Variants in SLC25A31 observed in about 807,000 individuals in gnomAD.
SLC25A31 encodes the protein solute carrier family 25 member 31.
Under a neutral mutation model 36.2 loss-of-function variants are expected in SLC25A31, and 40 were observed. The observed-to-expected ratio is 1.10, with a 90% CI of 0.86 to 1.44. The LOEUF is 1.44. Ranked by LOEUF, SLC25A31 falls within the 40% of genes most tolerant of loss-of-function variation. The pLI, the probability that SLC25A31 is intolerant of heterozygous loss-of-function variation, is 0.00. For missense variants in SLC25A31, 350 were observed against 397.1 expected (o/e 0.88, Z 1.01); for synonymous variants, 143 against 149.7 (o/e 0.96, Z 0.32).
intron 1 of SLC25A31, among the ~76,000 whole-genome samples, chr4:127,743,886 GA>G (rs1731776075): frequency 6.6e-6 from 1 of 152,024 alleles, no homozygotes; most frequent in Non-Finnish European, 1.5e-5. Context: ...GGTATTCTCC[GA>G]ACTGGTGCTA....
At chr4:127,737,624 A>G (rs1166764654) in intron 1 of SLC25A31, among the ~76,000 whole-genome samples, 1 of 151,162 alleles carries the variant, frequency 6.6e-6, no homozygotes, top group Non-Finnish European at 1.5e-5. Context: ...CACAATCGTG[A>G]CTTAACTGCA....
chr4:127,734,070 A>G (rs1375611461), intron 1 of SLC25A31, among the ~76,000 whole-genome samples: 1 of 152,186 alleles, frequency 6.6e-6, no homozygotes, highest in Non-Finnish European at 1.5e-5. Context: ...TTTATTTAAC[A>G]CTGTTTAAAC....
rs373384277 is a variant in SLC25A31, at chr4:127,767,232, G to T, written c.633+12G>T. The T allele has an allele frequency of 6.5e-7, 1 of 1,537,592 alleles. No individual in the cohort carries two copies. Among genetic ancestry groups the T allele is most frequent in the Non-Finnish European group, 8.7e-7 (1 of 1,143,416 alleles). ...ATGACACAGTTAAGGTAATCTGGGG[G>T]CTTTAACTTGGACATATTAAATATA... is the stretch of plus-strand genomic sequence containing the variant. On this transcript the variant is annotated intron_variant, in intron 4 of 5. Coordinates refer to ENST00000281154, the MANE Select transcript of SLC25A31 (RefSeq NM_031291.4).
chr4:127,749,003 C>T (rs1310261624), intron 2 of SLC25A31, among the ~76,000 whole-genome samples: 2 of 150,728 alleles, frequency 1.3e-5, no homozygotes, highest in African/African-American at 4.9e-5. Flanking sequence ...GCAAGATAGA[C>T]AACTGAATGA....
chr4:127,737,733 G>GT (rs1025209566), intron 1 of SLC25A31, among the ~76,000 whole-genome samples: 21 of 151,448 alleles, frequency 1.4e-4, no homozygotes, highest in Admixed American at 8.5e-4. Context: ...TTTGGGGTTT[G>GT]TTTTTTTTAG....
At position 127,768,857 on chromosome 4, in the gene SLC25A31, A is replaced by C. The variant is rs1170721062; in HGVS notation, c.739A>C (p.Arg247=). ...GILSYPFDTV[R]RRMMMQSGEA... ...ACTTTCTTATCCCTTTGACACAGTT[A>C]GAAGACGTATGATGATGCAGGTATT... The change falls in exon 5 of 6, where the codon AGA becomes CGA. Residue 247 remains arginine (R), a synonymous_variant. Coordinates refer to ENST00000281154, the MANE Select transcript of SLC25A31 (RefSeq NM_031291.4). 1 of 1,599,646 alleles carries C rather than the reference A, an allele frequency of 6.3e-7. No homozygotes were observed. The highest frequency in any genetic ancestry group is 2.3e-5 in the East Asian group (1 of 44,190).
intron 5 of SLC25A31, among the ~76,000 whole-genome samples, chr4:127,771,191 A>G (rs2148766662): frequency 6.6e-6 from 1 of 152,094 alleles, no homozygotes; most frequent in Non-Finnish European, 1.5e-5. Context: ...TCCTGAGCTC[A>G]GGCAATCCAC....
chr4:127,749,919 C>A (rs1731896701), intron 2 of SLC25A31, among the ~76,000 whole-genome samples: 1 of 151,888 alleles, frequency 6.6e-6, no homozygotes, highest in African/African-American at 2.4e-5. Flanking sequence ...AACCAACTTG[C>A]CAAAAGTCAA....
intron 1 of SLC25A31, among the ~76,000 whole-genome samples, chr4:127,742,131 A>G (rs1042450726): frequency 6.6e-6 from 1 of 152,114 alleles, no homozygotes; most frequent in Non-Finnish European, 1.5e-5. Flanking sequence ...ATATTTTTCT[A>G]TTATTTTTGT....
Position 127,768,740 on chromosome 4 carries a change from T to G in SLC25A31, c.634-12T>G. The stretch of plus-strand genomic sequence containing the variant: ...AATTTGGATAGTTACTTGGCACATT[T>G]TTCTTTTCTAGGGTTTATTACCAAA... On this transcript the variant is annotated splice_polypyrimidine_tract_variant and intron_variant, in intron 4 of 5. Transcript: ENST00000281154. 3 of 1,571,312 alleles carry G rather than the reference T, an allele frequency of 1.9e-6. No homozygotes were observed. Among genetic ancestry groups the G allele is most frequent in the Admixed American group, 3.9e-5 (2 of 50,986 alleles).
chr4:127,767,264 C>A (rs1732263460), intron 4 of SLC25A31, 44 bp downstream of exon 4: 2 of 1,373,016 alleles, frequency 1.5e-6, no homozygotes, highest in South Asian at 1.9e-5. Flanking sequence ...TATATGGTTT[C>A]CATTTATTTA....
chr4:127,742,956 T>C (rs185717775), intron 1 of SLC25A31, among the ~76,000 whole-genome samples: 3 of 152,076 alleles, frequency 2.0e-5, no homozygotes, highest in Non-Finnish European at 4.4e-5. Context: ...GTTCAAAAAT[T>C]GTTACAGCAG....
chr4:127,767,327 A>G, intron 4 of SLC25A31, 107 bp downstream of exon 4: 1 of 1,095,900 alleles, frequency 9.1e-7, no homozygotes, highest in Non-Finnish European at 1.2e-6. Context: ...AATAAAAATC[A>G]GTGATGAAAA....
chr4:127,768,748 C>A lies in SLC25A31; in HGVS notation c.634-4C>A. 1 of 1,583,678 alleles carries A rather than the reference C, an allele frequency of 6.3e-7. No individual in the cohort carries two copies. Among genetic ancestry groups the A allele is most frequent in the Non-Finnish European group, 8.6e-7 (1 of 1,168,928 alleles). ...TAGTTACTTGGCACATTTTTCTTTTCTAGGGTTTATTACCAAAGCCAAAGA... is the reference window on the plus strand; with the variant it reads ...TAGTTACTTGGCACATTTTTCTTTTATAGGGTTTATTACCAAAGCCAAAGA... On this transcript the variant is annotated splice_region_variant and splice_polypyrimidine_tract_variant and intron_variant, in intron 4 of 5. Coordinates refer to ENST00000281154, the MANE Select transcript of SLC25A31 (RefSeq NM_031291.4).
intron 1 of SLC25A31, among the ~76,000 whole-genome samples, chr4:127,739,871 AT>A (rs982612892): frequency 2.6e-5 from 4 of 151,688 alleles, no homozygotes; most frequent in Non-Finnish European, 4.4e-5. Context: ...TCAATTGATA[AT>A]TTTTTTAATT....
intron 2 of SLC25A31, among the ~76,000 whole-genome samples, chr4:127,752,330 A>G (rs1731949736): frequency 1.3e-5 from 2 of 152,022 alleles, no homozygotes; most frequent in Non-Finnish European, 2.9e-5. Context: ...CAAAAAACCA[A>G]ACACCGCATG....
intron 1 of SLC25A31, among the ~76,000 whole-genome samples, chr4:127,740,225 G>A (rs1578656949): frequency 6.6e-6 from 1 of 152,044 alleles, no homozygotes; most frequent in African/African-American, 2.4e-5. Context: ...ATGCAGGTAG[G>A]ATTTTTTTTC....
chr4:127,759,696 C>G (rs987258393), intron 2 of SLC25A31, among the ~76,000 whole-genome samples: 3 of 152,042 alleles, frequency 2.0e-5, no homozygotes, highest in Non-Finnish European at 4.4e-5. Context: ...TAATGAGTTA[C>G]AGAGTTCTGT....
At chr4:127,752,667 CAAAG>C (rs1323956183) in intron 2 of SLC25A31, among the ~76,000 whole-genome samples, 2 of 151,390 alleles carry the variant, frequency 1.3e-5, no homozygotes, top group Non-Finnish European at 2.9e-5. Context: ...AAACTGAAAA[CAAAG>C]AATGTCATTA....
Sources: allele counts gnomAD v4.1 joint callset (sites outside exome capture counted in the v4.1 genomes callset), GRCh38; gene constraint gnomAD v4.1.1; transcripts MANE v1.5; gene names NCBI Gene and HGNC (gene_info 2026-07-23, HGNC 2026-07-21).